Variants in COTL1 observed in about 807,000 individuals in gnomAD.
COTL1 encodes the protein coactosin like F-actin binding protein 1.
A neutral mutation model predicts 16.5 loss-of-function variants in COTL1; 15 were observed. The ratio of observed to expected loss-of-function variants is 0.91; its 90% CI spans 0.61 to 1.40. The LOEUF (loss-of-function observed/expected upper bound fraction) is 1.40. Ranked by LOEUF, COTL1 falls within the 40% of genes most tolerant of loss-of-function variation. The pLI is 0.00. For missense variants in COTL1, 220 were observed against 201.5 expected (o/e 1.09, Z -0.56); for synonymous variants, 112 against 85.3 (o/e 1.31, Z -1.73).
At chr16:84,610,758 C>G (rs1407118364) in intron 2 of COTL1, among the ~76,000 whole-genome samples, 3 of 152,142 alleles carry the variant, frequency 2.0e-5, no homozygotes. Context: ...CTACATCTCT[C>G]TCTGTGGTGT....
intron 3 of COTL1, among the ~76,000 whole-genome samples, chr16:84,572,618 G>A (rs759051674): frequency 5.3e-5 from 8 of 152,038 alleles, no homozygotes; most frequent in Non-Finnish European, 8.8e-5. Context: ...AAGCCACCAC[G>A]TCCAGCTGAT....
intron 3 of COTL1, chr16:84,577,223 C>A (rs1005379684): frequency 1.4e-5 from 2 of 146,512 alleles, no homozygotes; most frequent in Admixed American, 7.3e-5. Context: ...GGAATGGGTT[C>A]TTTTTTGTTT....
intron 2 of COTL1, among the ~76,000 whole-genome samples, chr16:84,603,234 C>T (rs1905137195): frequency 6.6e-6 from 1 of 152,202 alleles, no homozygotes; most frequent in Non-Finnish European, 1.5e-5. Flanking sequence ...GCACACCAGC[C>T]CCCACGGGGA....
At chr16:84,578,507 G>C (rs1002473257) in intron 3 of COTL1, among the ~76,000 whole-genome samples, 1 of 152,158 alleles carries the variant, frequency 6.6e-6, no homozygotes, top group Non-Finnish European at 1.5e-5. Flanking sequence ...TGAGGACAAA[G>C]GAAGTGAAGT....
chr16:84,567,093 C>A lies in COTL1; in HGVS notation c.319-138G>T. On this transcript the variant is annotated intron_variant, in intron 3 of 3. Coordinates refer to ENST00000262428, the MANE Select transcript of COTL1 (RefSeq NM_021149.5). ...GGAAATGGAAATTCAGCAGCAGAGT[C>A]AGTCAATGGAAATTCAGCAGCAGAG... 3 of 608,376 alleles carry A rather than the reference C, an allele frequency of 4.9e-6. No homozygotes were observed. The South Asian group carries it at 5.2e-5, about 11-fold the overall frequency. 37.7% of individuals were successfully genotyped at this position (608,376 alleles called of 1,614,324 possible).
At chr16:84,574,918 T>C (rs970732244) in intron 3 of COTL1, among the ~76,000 whole-genome samples, 2 of 152,198 alleles carry the variant, frequency 1.3e-5, no homozygotes, top group Non-Finnish European at 2.9e-5. Context: ...AGGAGGGTAA[T>C]ATAGCAGAGG....
At chr16:84,612,740 C>G (rs1292858642) in intron 2 of COTL1, among the ~76,000 whole-genome samples, 1 of 152,098 alleles carries the variant, frequency 6.6e-6, no homozygotes, top group East Asian at 1.9e-4. Context: ...GCCTGGGCGA[C>G]AGAGAAAAAC....
rs1185233297 is a variant in COTL1, at chr16:84,590,680, G to C, written c.161-418C>G. Reference sequence around the variant, plus strand: ...GTGCCGCCAGCAGTGCCAGGGCCCAGCCAAAAAAAATTTAAAAATAAAAAT... The same window carrying C: ...GTGCCGCCAGCAGTGCCAGGGCCCACCCAAAAAAAATTTAAAAATAAAAAT... On this transcript the variant is annotated intron_variant, in intron 2 of 3. Coordinates refer to ENST00000262428, the MANE Select transcript of COTL1 (RefSeq NM_021149.5). The surrounding 1 kb of genome is among the most constrained non-coding windows in gnomAD (Gnocchi z 5.5). 6.6e-6 allele frequency among the ~76,000 whole-genome samples: 1 copy of C among 152,136 alleles called. No homozygotes were observed. The highest frequency in any genetic ancestry group is 1.5e-5 in the Non-Finnish European group (1 of 68,026).
Position 84,612,775 on chromosome 16 carries a change from G to A in COTL1, c.160+4726C>T, listed in dbSNP as rs142883918. ...CTTTGTCTCAAAAAAAAGAAAAGCA[G>A]TGGTAGGGGTAGCCAACACACACCG... On this transcript the variant is annotated intron_variant, in intron 2 of 3. Coordinates refer to ENST00000262428, the MANE Select transcript of COTL1 (RefSeq NM_021149.5). Among the ~76,000 whole-genome samples, 576 of 152,230 alleles carry A rather than the reference G, an allele frequency of 3.8e-3. 3 individuals are homozygous for A. Among genetic ancestry groups the A allele is most frequent in the African/African-American group, 0.013 (546 of 41,546 alleles).
At chr16:84,604,038 C>G (rs1263309872) in intron 2 of COTL1, among the ~76,000 whole-genome samples, 2 of 125,172 alleles carry the variant, frequency 1.6e-5, no homozygotes, top group Non-Finnish European at 3.4e-5. Flanking sequence ...CCCCGCAACT[C>G]CCCTCTCCCT....
At chr16:84,583,743 C>T (rs2914832) in intron 3 of COTL1, among the ~76,000 whole-genome samples, 10,556 of 152,122 alleles carry the variant, frequency 0.069, 513 homozygotes, top group African/African-American at 0.13. Context: ...TACAGGTGTG[C>T]GCCACTAAGC....
intron 3 of COTL1, among the ~76,000 whole-genome samples, chr16:84,582,556 T>C (rs1285936427): frequency 6.6e-6 from 1 of 152,244 alleles, no homozygotes; most frequent in Non-Finnish European, 1.5e-5. Flanking sequence ...ATTATTTCCT[T>C]GTTAGTTACT....
chr16:84,589,501 T>C (rs374846048), intron 3 of COTL1, among the ~76,000 whole-genome samples: 7 of 152,152 alleles, frequency 4.6e-5, no homozygotes, highest in African/African-American at 1.7e-4. Context: ...AGAAATCCTT[T>C]TGCGAAATGG....
chr16:84,591,832 T>TAAAATAAAAG (rs1904874858), intron 2 of COTL1, among the ~76,000 whole-genome samples: 1 of 89,058 alleles, frequency 1.1e-5, no homozygotes, highest in African/African-American at 6.2e-5. Context: ...TCAAATAAAA[T>TAAAATAAAAG]AAAATAAAAT....
intron 3 of COTL1, chr16:84,576,096 C>T (rs1268791731): frequency 1.3e-5 from 2 of 152,186 alleles, no homozygotes; most frequent in Non-Finnish European, 2.9e-5. Flanking sequence ...AAAGGGAAGT[C>T]CCAGGAATTC....
intron 2 of COTL1, among the ~76,000 whole-genome samples, chr16:84,612,572 CAGG>C (rs1288251028): frequency 6.6e-6 from 1 of 152,250 alleles, no homozygotes; most frequent in Non-Finnish European, 1.5e-5. Flanking sequence ...CACCTGAGGT[CAGG>C]AGTTTGAGAC....
intron 2 of COTL1, among the ~76,000 whole-genome samples, chr16:84,608,976 C>T (rs1905266107): frequency 6.6e-6 from 1 of 152,170 alleles, no homozygotes; most frequent in Non-Finnish European, 1.5e-5. Flanking sequence ...ATGTTTGTCG[C>T]ATGCATTAAC....
intron 2 of COTL1, among the ~76,000 whole-genome samples, chr16:84,593,527 T>C (rs370832279): frequency 8.6e-5 from 13 of 150,680 alleles, no homozygotes; most frequent in Admixed American, 1.3e-4. Context: ...TTTTTTTTTT[T>C]TGAGAAGGGA....
At chr16:84,610,530 C>T (rs1905299003) in intron 2 of COTL1, among the ~76,000 whole-genome samples, 1 of 152,202 alleles carries the variant, frequency 6.6e-6, no homozygotes, top group Non-Finnish European at 1.5e-5. Flanking sequence ...ACCAACAACT[C>T]TGTCCAAAGT....
Sources: allele counts gnomAD v4.1 joint callset (sites outside exome capture counted in the v4.1 genomes callset), GRCh38; gene constraint gnomAD v4.1.1; non-coding constraint Gnocchi (gnomAD v3.1); transcripts MANE v1.5; gene names NCBI Gene and HGNC (gene_info 2026-07-23, HGNC 2026-07-21).